The following CDC25B variants were observed in gnomAD, a reference collection of about 807,000 sequenced individuals.
The protein encoded by CDC25B is cell division cycle 25B.
In CDC25B, 33 loss-of-function variants were observed where a neutral mutation model predicts 69.8. That is an observed-to-expected ratio of 0.47 (90% CI 0.36 to 0.63). The LOEUF is 0.63. Among genes scored for constraint, CDC25B ranks in the 30% least tolerant of loss-of-function variants. CDC25B has a pLI of 0.00. For missense variants in CDC25B, 727 were observed against 809.1 expected (o/e 0.90, Z 1.23); for synonymous variants, 341 against 314.6 (o/e 1.08, Z -0.89).
upstream of CDC25B, among the ~76,000 whole-genome samples, chr20:3,793,364 G>A (rs2088946723): frequency 6.6e-6 from 1 of 152,060 alleles, no homozygotes; most frequent in African/African-American, 2.4e-5. Flanking sequence ...GGCTGAGGCA[G>A]GAAAATCGCT....
Position 3,805,591 on chromosome 20 carries a change from C to G in CDC25B, c.*630C>G. The G allele has an allele frequency of 2.5e-6, 1 of 396,728 alleles. No individual in the cohort carries two copies. Among genetic ancestry groups the G allele is most frequent in the East Asian group, 3.6e-5 (1 of 27,952 alleles). 24.6% of individuals were successfully genotyped at this position (396,728 alleles called of 1,614,324 possible). On this transcript the variant is annotated 3_prime_UTR_variant, in exon 16 of 16. Coordinates refer to ENST00000245960, the MANE Select transcript of CDC25B (RefSeq NM_021873.4). ...ACTTTACGCCCATCTCAGGACACTTCCGTAGACTGTTTAGGTTCCCCTGTC... is the reference window on the plus strand; with the variant it reads ...ACTTTACGCCCATCTCAGGACACTTGCGTAGACTGTTTAGGTTCCCCTGTC...
At chr20:3,795,915 G>A (rs2089019215), upstream of CDC25B, 1 of 986,694 alleles carries the variant, frequency 1.0e-6, no homozygotes, top group Non-Finnish European at 1.2e-6. Flanking sequence ...AGACCGTACA[G>A]CCCAGCTGGG....
rs1251876434 is a variant in CDC25B at position 3,805,949 on chromosome 20, T to G, written c.*988T>G. 1.0e-5 allele frequency: 4 copies of G among 402,004 alleles called. No homozygotes were observed. The highest frequency in any genetic ancestry group is 1.8e-5 in the Non-Finnish European group (4 of 227,202). 24.9% of individuals were successfully genotyped at this position (402,004 alleles called of 1,614,324 possible). On this transcript the variant is annotated 3_prime_UTR_variant, in exon 16 of 16. Transcript: ENST00000245960. ...TTTGTGTGGACAAAAATATTTACAC[T>G]TAGGGTTTGGAGCTATTCAAGAGGA...
intron 1 of CDC25B, among the ~76,000 whole-genome samples, chr20:3,787,314 C>A (rs1406495327): frequency 6.6e-6 from 1 of 152,152 alleles, no homozygotes; most frequent in Non-Finnish European, 1.5e-5. Flanking sequence ...AGTATCATTG[C>A]CAACACGCTT....
At chr20:3,801,158 G>C in intron 7 of CDC25B, 65 bp downstream of exon 7, 1 of 1,607,122 alleles carries the variant, frequency 6.2e-7, no homozygotes, top group Non-Finnish European at 8.5e-7. Flanking sequence ...GAGGAGGGTG[G>C]CCCTGAACCC....
In CDC25B at chr20:3,805,806, T is replaced by C. The variant is rs968510223; in HGVS notation, c.*845T>C. The stretch of plus-strand genomic sequence containing the variant: ...GTCTTGTTGCGGATGGATGGAAGGT[T>C]GGATGGATGGGTGGATGGCCGTGGA... On this transcript the variant is annotated 3_prime_UTR_variant, in exon 16 of 16. Transcript: ENST00000245960. 4.3e-4 allele frequency: 176 copies of C among 406,476 alleles called. No individual in the cohort carries two copies. Among genetic ancestry groups the C allele is most frequent in the Non-Finnish European group, 1.3e-4 (29 of 228,340 alleles). 25.2% of individuals were successfully genotyped at this position (406,476 alleles called of 1,614,324 possible).
At position 3,799,484 on chromosome 20, in the gene CDC25B, CTGTGTG is replaced by C. The variant is rs60482329; in HGVS notation, c.381-767_381-762del. Among the ~76,000 whole-genome samples, 285 of 131,708 alleles carry C rather than the reference CTGTGTG, an allele frequency of 2.2e-3. 2 individuals carry two copies. The highest frequency in any genetic ancestry group is 7.6e-3 in the Middle Eastern group (2 of 262). 86.4% of individuals were successfully genotyped at this position (131,708 alleles called of 152,430 possible). A position where few individuals can be genotyped will look rare whatever the true frequency, so the allele number is the denominator to read the frequency against. The stretch of plus-strand genomic sequence containing the variant: ...ACAGTTATACAGAGTTTCTCAGAAG[CTGTGTG>C]TGTGTGTGTGTGTGTGTGTGTGTGT... On this transcript the variant is annotated intron_variant, in intron 3 of 15. Coordinates refer to ENST00000245960, the MANE Select transcript of CDC25B (RefSeq NM_021873.4).
In CDC25B at chr20:3,803,122, G is replaced by A. The variant is rs765945419; in HGVS notation, c.1272G>A (p.Leu424=). ...ACCTCCTACAGATGGTGGCCCTATT[G>A]ACGGGCAAGTTCAGCAACATCGTGG... ...YISPETMVAL[L]TGKFSNIVDK... is the part of the protein sequence containing the mutation. The change falls in exon 13 of 16, where the codon TTG becomes TTA. Residue 424 remains leucine, a synonymous_variant. Transcript: ENST00000245960. This position sits in a 1 kb window ranked among gnomAD's most constrained non-coding sequence, Gnocchi z 4.9. 1 of 1,613,778 alleles carries A rather than the reference G, an allele frequency of 6.2e-7. No homozygotes were observed. The highest frequency in any genetic ancestry group is 8.5e-7 in the Non-Finnish European group (1 of 1,179,718).
chr20:3,803,503 C>T lies in CDC25B; in HGVS notation c.1456C>T (p.His486Tyr), dbSNP rs1277440232. 2 of 1,614,126 alleles carry T rather than the reference C, an allele frequency of 1.2e-6. No individual in the cohort carries two copies. The highest frequency in any genetic ancestry group is 3.3e-5 in the Admixed American group (2 of 60,020). The change falls in exon 14 of 16, where the codon CAC becomes TAC. Residue 486 changes from histidine (H) to tyrosine (Y), a missense_variant. Around this residue, in one of 2 missense-constraint regions of CDC25B, gnomAD observed 359 missense variants for 463.4 expected, o/e 0.77. Transcript: ENST00000245960. This position sits in a 1 kb window ranked among gnomAD's most constrained non-coding sequence, Gnocchi z 4.9. ...GGACAAGAGAGTCATCCTCATTTTC[C>T]ACTGTGAATTCTCATCTGAGCGTGG... ...SLDKRVILIF[H>Y]CEFSSERGPR...
rs11087603 is a variant in CDC25B, at chr20:3,796,525, C to T, written c.-7C>T. 0.064 allele frequency: 95,625 copies of T among 1,487,950 alleles called. 3,496 individuals carry two copies. The highest frequency in any genetic ancestry group is 0.075 in the Non-Finnish European group (84,645 of 1,126,338). 92.2% of individuals were successfully genotyped at this position (1,487,950 alleles called of 1,614,324 possible). A position where few individuals can be genotyped will look rare whatever the true frequency, so the allele number is the denominator to read the frequency against. ...CCTCCAGCCAGCCTTCTGCCGGCCCCGCCGCGATGGAGGTGCCCCAGCCGG... is the reference window on the plus strand; with the variant it reads ...CCTCCAGCCAGCCTTCTGCCGGCCCTGCCGCGATGGAGGTGCCCCAGCCGG... On this transcript the variant is annotated 5_prime_UTR_variant, in exon 1 of 16. Transcript: ENST00000245960.
At chr20:3,789,893 G>T (rs2088884780) in intron 1 of CDC25B, among the ~76,000 whole-genome samples, 1 of 152,008 alleles carries the variant, frequency 6.6e-6, no homozygotes, top group African/African-American at 2.4e-5. Context: ...GGAGGCTGAG[G>T]CAGGAGAGTG....
chr20:3,803,566 G>C lies in CDC25B; in HGVS notation c.1490+29G>C. On this transcript the variant is annotated intron_variant, in intron 14 of 15. Transcript: ENST00000245960. This position sits in a 1 kb window ranked among gnomAD's most constrained non-coding sequence, Gnocchi z 4.9. ...AGTCCCAGCTCCGCCCAGCCAGCTA[G>C]TGTCTGCCCTGGCCTTCCCTGCCCA... 1 of 1,613,324 alleles carries C rather than the reference G, an allele frequency of 6.2e-7. No individual in the cohort carries two copies. The highest frequency in any genetic ancestry group is 8.5e-7 in the Non-Finnish European group (1 of 1,179,950).
chr20:3,803,069 G>A lies in CDC25B; in HGVS notation c.1258-39G>A, dbSNP rs369261545. Reference sequence around the variant, plus strand: ...GGCTAGGGCCACCTGCCAGCTGCCAGCCTGACCTGCCGGAACCAACCCCCA... The same window carrying A: ...GGCTAGGGCCACCTGCCAGCTGCCAACCTGACCTGCCGGAACCAACCCCCA... On this transcript the variant is annotated intron_variant, in intron 12 of 15. Transcript: ENST00000245960. This position sits in a 1 kb window ranked among gnomAD's most constrained non-coding sequence, Gnocchi z 4.9. 1.9e-5 allele frequency: 30 copies of A among 1,600,178 alleles called. 2 individuals carry two copies. Among genetic ancestry groups the A allele is most frequent in the South Asian group, 6.6e-5 (6 of 90,784 alleles).
chr20:3,790,557 C>T (rs1000143436), intron 1 of CDC25B, among the ~76,000 whole-genome samples: 1 of 149,510 alleles, frequency 6.7e-6, no homozygotes, highest in Non-Finnish European at 1.5e-5. Flanking sequence ...CACGGTGGCT[C>T]ACGCCTGTAA....
chr20:3,800,298 G>T lies in CDC25B; in HGVS notation c.391G>T (p.Ala131Ser). 6.2e-7 allele frequency: 1 copy of T among 1,614,072 alleles called. No homozygotes were observed. The highest frequency in any genetic ancestry group is 8.5e-7 in the Non-Finnish European group (1 of 1,180,002). Reference protein sequence around the residue: ...PHMAEQTFEQAIQAASRIIRN... With the variant: ...PHMAEQTFEQSIQAASRIIRN... ...CCTTCTCTGTCCTAGGTTTGAACAG[G>T]CCATCCAGGCAGCCAGCCGGATCAT... The change falls in exon 4 of 16, where the codon GCC (alanine) becomes TCC (serine). Residue 131 changes from alanine to serine, a missense_variant. Ala to Ser is a moderately conservative substitution (Grantham distance 99). Transcript: ENST00000245960.
chr20:3,797,884 AC>A, intron 2 of CDC25B, 135 bp downstream of exon 2: 2 of 1,063,326 alleles, frequency 1.9e-6, no homozygotes, highest in Non-Finnish European at 2.7e-6. Context: ...CCTCTCCCCC[AC>A]CCTCCACAGA....
At chr20:3,801,552 A>T in intron 8 of CDC25B, 164 bp downstream of exon 8, 1 of 1,089,218 alleles carries the variant, frequency 9.2e-7, no homozygotes, top group South Asian at 1.6e-5. Context: ...TGAGAGAAGA[A>T]CAGGTGGCTG....
chr20:3,793,436 G>A (rs914307860), upstream of CDC25B, among the ~76,000 whole-genome samples: 24 of 151,706 alleles, frequency 1.6e-4, no homozygotes, highest in African/African-American at 5.1e-4. Flanking sequence ...CAGCCTGGGC[G>A]ACAGGGCGAG....
In CDC25B at chr20:3,804,573, C is replaced by T. The variant is rs1318395398; in HGVS notation, c.1495C>T (p.Arg499Cys). 3.1e-6 allele frequency: 5 copies of T among 1,610,626 alleles called. No individual in the cohort carries two copies. The highest frequency in any genetic ancestry group is 4.2e-6 in the Non-Finnish European group (5 of 1,176,982). ...ACCCTGCCCATGACGCCCCAGGTGC[C>T]GTTTCATCAGGGAACGAGACCGTGC... ...FSSERGPRMC[R>C]FIRERDRAVN... The change falls in exon 15 of 16, where the codon CGT (arginine) becomes TGT (cysteine). Residue 499 changes from arginine to cysteine, a missense_variant. By Grantham distance (180) the Arg-to-Cys change is radical. Around this residue, in one of 2 missense-constraint regions of CDC25B, gnomAD observed 359 missense variants for 463.4 expected, o/e 0.77. Coordinates refer to ENST00000245960, the MANE Select transcript of CDC25B (RefSeq NM_021873.4).
Sources: allele counts gnomAD v4.1 joint callset (sites outside exome capture counted in the v4.1 genomes callset), GRCh38; gene constraint gnomAD v4.1.1; regional missense constraint gnomAD v4.1.1; non-coding constraint Gnocchi (gnomAD v3.1); transcripts MANE v1.5; gene names NCBI Gene and HGNC (gene_info 2026-07-23, HGNC 2026-07-21).